Variants in RGS21 observed in about 807,000 individuals in gnomAD.
RGS21 encodes regulator of G-protein signalling 21.
RGS21 carries 19 observed loss-of-function variants against 18.7 expected under a neutral mutation model. The ratio of observed to expected loss-of-function variants is 1.01; its 90% confidence interval spans 0.71 to 1.49. The LOEUF (loss-of-function observed/expected upper bound fraction) is 1.49, where lower values mean the gene tolerates loss of function less well. RGS21 is among the 40% of genes most tolerant of loss of function. RGS21 has a pLI of 0.00. For missense variants in RGS21, 194 were observed against 176.8 expected (o/e 1.10, Z -0.55); for synonymous variants, 56 against 57.8 (o/e 0.97, Z 0.14).
chr1:192,336,387 G>C (rs548053586), intron 1 of RGS21, among the ~76,000 whole-genome samples: 48 of 152,264 alleles, frequency 3.2e-4, no homozygotes, highest in African/African-American at 1.2e-3. Flanking sequence ...CCAAGGAGGC[G>C]CAGGTTGCAG....
chr1:192,360,784 G>T (rs183548014), intron 4 of RGS21, among the ~76,000 whole-genome samples: 1 of 152,160 alleles, frequency 6.6e-6, no homozygotes, highest in East Asian at 1.9e-4. Context: ...CATTCCATGT[G>T]CAAGTCTCCT....
At chr1:192,336,033 C>A (rs12566011) in intron 1 of RGS21, among the ~76,000 whole-genome samples, 2 of 151,950 alleles carry the variant, frequency 1.3e-5, no homozygotes, top group Admixed American at 1.3e-4. Context: ...TAACAACTTG[C>A]GTAATGCTCT....
intron 4 of RGS21, among the ~76,000 whole-genome samples, chr1:192,359,036 G>A (rs965054421): frequency 6.6e-6 from 1 of 152,060 alleles, no homozygotes; most frequent in African/African-American, 2.4e-5. Context: ...CCTCTAAATG[G>A]TTGTGATGAC....
intron 4 of RGS21, among the ~76,000 whole-genome samples, chr1:192,364,063 A>C (rs897168266): frequency 6.6e-6 from 1 of 152,178 alleles, no homozygotes; most frequent in African/African-American, 2.4e-5. Flanking sequence ...CAGCAGCTTA[A>C]CACTGAAGAA....
intron 3 of RGS21, 103 bp downstream of exon 3, chr1:192,347,492 A>G (rs1394287765): frequency 1.7e-6 from 1 of 594,742 alleles, no homozygotes. Flanking sequence ...TAATCAATGA[A>G]GTATAAAATT....
intron 1 of RGS21, among the ~76,000 whole-genome samples, chr1:192,337,940 T>C (rs1658797634): frequency 6.6e-6 from 1 of 152,182 alleles, no homozygotes. Flanking sequence ...CTTCTAAATA[T>C]TTTATTTTAC....
At chr1:192,350,673 A>G (rs903383717) in intron 3 of RGS21, among the ~76,000 whole-genome samples, 2 of 152,214 alleles carry the variant, frequency 1.3e-5, no homozygotes, top group Non-Finnish European at 2.9e-5. Flanking sequence ...TCAAAAATAG[A>G]GACAGCCAGC....
At chr1:192,320,413 A>G (rs887063974) in intron 1 of RGS21, among the ~76,000 whole-genome samples, 1 of 152,118 alleles carries the variant, frequency 6.6e-6, no homozygotes, top group African/African-American at 2.4e-5. Context: ...CAAATGTGGC[A>G]TGGGAGGTTG....
At chr1:192,324,825 A>T (rs1658544806) in intron 1 of RGS21, among the ~76,000 whole-genome samples, 1 of 152,076 alleles carries the variant, frequency 6.6e-6, no homozygotes, top group South Asian at 2.1e-4. Flanking sequence ...AAGCCTACAA[A>T]GTCCATCCCA....
chr1:192,350,446 T>A (rs1659023907), intron 3 of RGS21, among the ~76,000 whole-genome samples: 2 of 152,164 alleles, frequency 1.3e-5, no homozygotes. Context: ...TGTAGCCAAT[T>A]TTGCCTATCC....
intron 4 of RGS21, among the ~76,000 whole-genome samples, chr1:192,357,819 T>C (rs1659131627): frequency 6.6e-6 from 1 of 152,060 alleles, no homozygotes; most frequent in Admixed American, 6.6e-5. Context: ...TTTGTGTAAC[T>C]TCTTAGACTA....
intron 1 of RGS21, among the ~76,000 whole-genome samples, chr1:192,320,504 G>A (rs1252040327): frequency 6.7e-6 from 1 of 148,364 alleles, no homozygotes; most frequent in Non-Finnish European, 1.5e-5. Context: ...AAAGGAATGT[G>A]TATGTGTATG....
At chr1:192,333,551 A>G (rs986598713) in intron 1 of RGS21, among the ~76,000 whole-genome samples, 1 of 150,414 alleles carries the variant, frequency 6.6e-6, no homozygotes, top group Non-Finnish European at 1.5e-5. Context: ...TCACAAGAAC[A>G]CTATGCTGAT....
chr1:192,336,877 A>T (rs923009913), intron 1 of RGS21, among the ~76,000 whole-genome samples: 1 of 152,192 alleles, frequency 6.6e-6, no homozygotes, highest in African/African-American at 2.4e-5. Flanking sequence ...GAGGGAAAAA[A>T]TAGTGATTGG....
intron 3 of RGS21, among the ~76,000 whole-genome samples, 200 bp from the exon 4 acceptor site, chr1:192,351,847 G>A (rs1659046922): frequency 6.8e-6 from 1 of 147,806 alleles, no homozygotes; most frequent in Admixed American, 6.8e-5. Flanking sequence ...TTATATATAT[G>A]CTCTATATAT....
At chr1:192,361,525 G>C (rs1659187514) in intron 4 of RGS21, among the ~76,000 whole-genome samples, 2 of 151,986 alleles carry the variant, frequency 1.3e-5, no homozygotes, top group Non-Finnish European at 1.5e-5. Flanking sequence ...ATTCAAATCT[G>C]TTTAAAAAAT....
intron 4 of RGS21, among the ~76,000 whole-genome samples, chr1:192,364,019 G>A (rs890619746): frequency 3.9e-5 from 6 of 152,106 alleles, no homozygotes; most frequent in Non-Finnish European, 8.8e-5. Context: ...GGATCATCCT[G>A]CTTTAATTCT....
At chr1:192,318,788 G>A (rs1199827171) in intron 1 of RGS21, among the ~76,000 whole-genome samples, 1 of 151,958 alleles carries the variant, frequency 6.6e-6, no homozygotes, top group East Asian at 1.9e-4. Context: ...ACACTTCCAA[G>A]AACTATTGCT....
intron 4 of RGS21, among the ~76,000 whole-genome samples, chr1:192,361,479 T>C (rs1001544683): frequency 1.3e-5 from 2 of 152,220 alleles, no homozygotes; most frequent in African/African-American, 4.8e-5. Flanking sequence ...TCTCTGATAA[T>C]CACATTGAAT....
Sources: allele counts gnomAD v4.1 joint callset (sites outside exome capture counted in the v4.1 genomes callset), GRCh38; gene constraint gnomAD v4.1.1; transcripts MANE v1.5; gene names NCBI Gene and HGNC (gene_info 2026-07-23, HGNC 2026-07-21).